Variants in RPH3AL observed in about 807,000 individuals in gnomAD.
RPH3AL encodes rab effector Noc2.
A neutral mutation model predicts 43.1 loss-of-function variants in RPH3AL; 38 were observed. The ratio of observed to expected loss-of-function variants is 0.88; its 90% CI spans 0.68 to 1.15. The LOEUF (loss-of-function observed/expected upper bound fraction) is 1.15, where lower values mean the gene tolerates loss of function less well. RPH3AL is among the 50% of genes most tolerant of loss of function. The probability of loss-of-function intolerance (pLI) is 0.00; values close to 1 mark genes in which losing one functional copy is unlikely to be tolerated. For missense variants in RPH3AL, 462 were observed against 423.2 expected (o/e 1.09, Z -0.81); for synonymous variants, 189 against 176.3 (o/e 1.07, Z -0.57).
In RPH3AL at chr17:315,744, G is replaced by GA. The variant is rs1209683159; in HGVS notation, c.351+3675_351+3676insT. The stretch of plus-strand genomic sequence containing the variant: ...ACCTCTATTGACCCGTAGTCTCTGT[G>GA]CTCCACATCCATTGACCTTTAGTCC... On this transcript the variant is annotated intron_variant, in intron 5 of 9. Coordinates refer to ENST00000331302, the MANE Select transcript of RPH3AL (RefSeq NM_006987.4). 2.6e-3 allele frequency among the ~76,000 whole-genome samples: 386 copies of GA among 146,538 alleles called. 42 individuals carry two copies. The highest frequency in any genetic ancestry group is 4.5e-3 in the Middle Eastern group (1 of 224).
intron 1 of RPH3AL, among the ~76,000 whole-genome samples, chr17:343,176 C>T (rs1231451147): frequency 6.6e-6 from 1 of 152,216 alleles, no homozygotes; most frequent in African/African-American, 2.4e-5. Context: ...CTGCTCCCCA[C>T]AGGTGTCCAC....
rs2041781111 is a variant in RPH3AL at position 246,995 on chromosome 17, G to A, written c.613+116C>T. 1 of 1,130,224 alleles carries A rather than the reference G, an allele frequency of 8.8e-7. No homozygotes were observed. The highest frequency in any genetic ancestry group is 1.3e-6 in the Non-Finnish European group (1 of 761,260). The allele number at this position is 1,130,224 out of a possible 1,614,324, so 70.0% of individuals were successfully genotyped here. ...GGGCACAGGGAGGGACGCATCACCA[G>A]AATGAGCCTCGTGGATGGAGGGTGC... On this transcript the variant is annotated intron_variant, in intron 7 of 9. Coordinates refer to ENST00000331302, the MANE Select transcript of RPH3AL (RefSeq NM_006987.4). This position sits in a 1 kb window ranked among gnomAD's most constrained non-coding sequence, Gnocchi z 4.8.
chr17:243,020 T>A (rs1038564778), intron 7 of RPH3AL, among the ~76,000 whole-genome samples: 3 of 126,296 alleles, frequency 2.4e-5, no homozygotes, highest in African/African-American at 8.8e-5. Flanking sequence ...CTCTATTGAA[T>A]ACCTTCCTCT....
In RPH3AL at chr17:247,150, A is replaced by G. The variant is rs1555540391; in HGVS notation, c.574T>C (p.Ser192Pro). Residue 192 changes from serine (S) to proline (P), a missense_variant, in exon 7 of 10, where the codon TCT becomes CCT. Coordinates refer to ENST00000331302, the MANE Select transcript of RPH3AL (RefSeq NM_006987.4). ...TEPAEREPRS[S>P]ETSRIYTWAR... ...CACGTGTAGATGCGGCTGGTCTCAG[A>G]GCTTCTGGGCTCTCGCTCTGCCGGT... The G allele has an allele frequency of 6.2e-7, 1 of 1,609,318 alleles. No individual in the cohort carries two copies. The highest frequency in any genetic ancestry group is 1.7e-4 in the Middle Eastern group (1 of 6,046).
At chr17:237,352 C>T (rs1376883489) in intron 7 of RPH3AL, among the ~76,000 whole-genome samples, 1 of 152,210 alleles carries the variant, frequency 6.6e-6, no homozygotes, top group Non-Finnish European at 1.5e-5. Flanking sequence ...ACCAGTGTGT[C>T]ACCCTGTTCT....
At position 289,858 on chromosome 17, in the gene RPH3AL, A is replaced by C. The variant is rs1400039089; in HGVS notation, c.352-8004T>G. Among the ~76,000 whole-genome samples the C allele has an allele frequency of 6.6e-6, 1 of 152,128 alleles. No individual in the cohort carries two copies. The highest frequency in any genetic ancestry group is 6.5e-5 in the Admixed American group (1 of 15,284). On this transcript the variant is annotated intron_variant, in intron 5 of 9. Coordinates refer to ENST00000331302, the MANE Select transcript of RPH3AL (RefSeq NM_006987.4). This position sits in a 1 kb window ranked among gnomAD's most constrained non-coding sequence, Gnocchi z 5.2. ...CCACATCTTCAAGGAAGACTTCCGC[A>C]ACACTCCTTCCACAATGAGAGCCTC... is the stretch of plus-strand genomic sequence containing the variant.
intron 5 of RPH3AL, among the ~76,000 whole-genome samples, chr17:307,359 T>A (rs1272652059): frequency 1.6e-4 from 17 of 105,590 alleles, no homozygotes; most frequent in African/African-American, 5.0e-4. Flanking sequence ...GGCAGGTCCA[T>A]CCTACGGCAG....
chr17:294,640 CAGCAGA>C (rs1567621754), intron 5 of RPH3AL, among the ~76,000 whole-genome samples: 6 of 55,148 alleles, frequency 1.1e-4, no homozygotes, highest in Admixed American at 1.8e-4. Context: ...CAGAAATGGA[CAGCAGA>C]GGGAATGCAC....
At chr17:314,757 C>A (rs1555518596) in intron 5 of RPH3AL, among the ~76,000 whole-genome samples, 1 of 150,964 alleles carries the variant, frequency 6.6e-6, no homozygotes, top group African/African-American at 2.5e-5. Flanking sequence ...CCTCCATTGA[C>A]CTGTAGTCTC....
At chr17:317,265 C>T (rs571698430) in intron 5 of RPH3AL, among the ~76,000 whole-genome samples, 29 of 137,690 alleles carry the variant, frequency 2.1e-4, no homozygotes, top group African/African-American at 8.1e-4. Context: ...AGTCCCTGTG[C>T]CCCACCTCCA....
intron 1 of RPH3AL, among the ~76,000 whole-genome samples, chr17:335,426 C>T (rs914789114): frequency 2.6e-5 from 4 of 152,040 alleles, no homozygotes; most frequent in African/African-American, 9.7e-5. Context: ...GTGGCTGGTG[C>T]CCTCTGAGCC....
intron 5 of RPH3AL, among the ~76,000 whole-genome samples, chr17:293,351 A>G (rs901201674): frequency 2.0e-5 from 3 of 152,156 alleles, no homozygotes; most frequent in African/African-American, 7.2e-5. Flanking sequence ...CAGAGCACAT[A>G]ATAAGAAATC....
intron 6 of RPH3AL, among the ~76,000 whole-genome samples, chr17:249,615 C>G (rs1555541482): frequency 6.6e-6 from 1 of 151,922 alleles, no homozygotes; most frequent in East Asian, 1.9e-4. Flanking sequence ...GACATTGCTT[C>G]CCACCCCGCA....
rs919369081 is a variant in RPH3AL at position 323,505 on chromosome 17, C to T, written c.78-2090G>A. ...ACTGGTTTGTTCCATCTGAGCATTT[C>T]GGAGGCTCCAGGGGTCAGTGATGGG... On this transcript the variant is annotated intron_variant, in intron 3 of 9. Coordinates refer to ENST00000331302, the MANE Select transcript of RPH3AL (RefSeq NM_006987.4). This position sits in a 1 kb window ranked among gnomAD's most constrained non-coding sequence, Gnocchi z 4.4. Among the ~76,000 whole-genome samples, 3 of 152,196 alleles carry T rather than the reference C, an allele frequency of 2.0e-5. No homozygotes were observed. Among genetic ancestry groups the T allele is most frequent in the Admixed American group, 1.3e-4 (2 of 15,286 alleles).
At chr17:320,627 A>G (rs2044441585) in intron 4 of RPH3AL, among the ~76,000 whole-genome samples, 1 of 152,104 alleles carries the variant, frequency 6.6e-6, no homozygotes. Context: ...CTGCAGAGTG[A>G]GACCCTGTCC....
At chr17:310,297 G>A (rs1432614146) in intron 5 of RPH3AL, among the ~76,000 whole-genome samples, 1 of 152,174 alleles carries the variant, frequency 6.6e-6, no homozygotes, top group Non-Finnish European at 1.5e-5. Flanking sequence ...ATTACGGAGG[G>A]GACGCAGCTC....
At chr17:240,004 A>G (rs2041489347) in intron 7 of RPH3AL, among the ~76,000 whole-genome samples, 1 of 152,122 alleles carries the variant, frequency 6.6e-6, no homozygotes, top group Non-Finnish European at 1.5e-5. Context: ...TTGGGAGGCC[A>G]AGGTGGATGG....
intron 6 of RPH3AL, among the ~76,000 whole-genome samples, chr17:268,778 G>C (rs1356030701): frequency 2.0e-5 from 3 of 151,818 alleles, no homozygotes; most frequent in African/African-American, 4.8e-5. Flanking sequence ...TACCCAGACT[G>C]GTCTCAAACT....
At chr17:277,744 T>A (rs2042687389) in intron 6 of RPH3AL, among the ~76,000 whole-genome samples, 1 of 152,060 alleles carries the variant, frequency 6.6e-6, no homozygotes, top group Admixed American at 6.6e-5. Flanking sequence ...TTGCTTGAGC[T>A]CAGGAGTTTG....
Sources: allele counts gnomAD v4.1 joint callset (sites outside exome capture counted in the v4.1 genomes callset), GRCh38; gene constraint gnomAD v4.1.1; non-coding constraint Gnocchi (gnomAD v3.1); transcripts MANE v1.5; gene names NCBI Gene and HGNC (gene_info 2026-07-23, HGNC 2026-07-21).